The following CAST variants were observed in gnomAD, a reference collection of about 807,000 sequenced individuals.
CAST encodes MIR583 host.
Under a neutral mutation model 119.6 loss-of-function variants are expected in CAST, and 76 were observed. The observed-to-expected ratio is 0.64, with a 90% CI of 0.53 to 0.77. The LOEUF is 0.77. Among genes scored for constraint, CAST ranks in the 30% least tolerant of loss-of-function variants. The pLI is 0.00. For missense variants in CAST, 953 were observed against 946.5 expected (o/e 1.01, Z -0.09); for synonymous variants, 319 against 331.6 (o/e 0.96, Z 0.41).
the CAST span, among the ~76,000 whole-genome samples, chr5:96,231,616 TAAAC>T: frequency 6.6e-6 from 1 of 152,128 alleles, no homozygotes; most frequent in African/African-American, 2.4e-5. Context: ...ATTGTACACT[TAAAC>T]ACACTTAAAC....
At chr5:96,617,586 G>A (rs541930876) in intron 1 of CAST, among the ~76,000 whole-genome samples, 3 of 151,660 alleles carry the variant, frequency 2.0e-5, no homozygotes, top group African/African-American at 7.3e-5. Flanking sequence ...TCAGGAGATC[G>A]AGACCATCCT....
In CAST at chr5:96,591,027, T is replaced by C. The variant is rs78349872; in HGVS notation, c.60+61147T>C. Among the ~76,000 whole-genome samples, 1,513 of 152,238 alleles carry C rather than the reference T, an allele frequency of 9.9e-3. 26 individuals carry two copies. Among genetic ancestry groups the C allele is most frequent in the African/African-American group, 0.034 (1,426 of 41,522 alleles). On this transcript the variant is annotated intron_variant, in intron 1 of 11. Transcript: ENST00000505143. ...TTCTCCATAGTGAGAAAACTTCCAG[T>C]TTTCCCTCAGTATGGGCAGGTCCCT...
the CAST span, among the ~76,000 whole-genome samples, chr5:96,359,723 C>T: frequency 6.6e-6 from 1 of 152,144 alleles, no homozygotes. Flanking sequence ...GATGGGCTTC[C>T]CTTTGTGGGT....
chr5:96,665,126 G>C (rs910317877), intron 1 of CAST, among the ~76,000 whole-genome samples: 1 of 152,136 alleles, frequency 6.6e-6, no homozygotes, highest in African/African-American at 2.4e-5. Flanking sequence ...TTTGCTAGTA[G>C]GAACTTCCTA....
the CAST span, among the ~76,000 whole-genome samples, chr5:96,314,671 A>T: frequency 6.6e-6 from 1 of 152,106 alleles, no homozygotes; most frequent in Non-Finnish European, 1.5e-5. Flanking sequence ...TACCTCCTTT[A>T]TGATGTCAAA....
At chr5:96,408,849 C>A in the CAST span, among the ~76,000 whole-genome samples, 1 of 152,230 alleles carries the variant, frequency 6.6e-6, no homozygotes, top group Non-Finnish European at 1.5e-5. Flanking sequence ...CACTGTTGAA[C>A]TAGATTTGAT....
chr5:96,386,331 G>C, the CAST span, among the ~76,000 whole-genome samples: 1 of 152,112 alleles, frequency 6.6e-6, no homozygotes, highest in East Asian at 1.9e-4. Context: ...TAGTCCTGGG[G>C]AACTGCCTTT....
At chr5:96,167,563 C>T in the CAST span, among the ~76,000 whole-genome samples, 1 of 152,098 alleles carries the variant, frequency 6.6e-6, no homozygotes, top group Admixed American at 6.6e-5. Context: ...GGTGGCTGAG[C>T]TTGGTGAGGT....
At chr5:96,706,877 C>G (rs1755084032) in intron 3 of CAST, among the ~76,000 whole-genome samples, 1 of 152,162 alleles carries the variant, frequency 6.6e-6, no homozygotes, top group African/African-American at 2.4e-5. Context: ...TCAGTAACAT[C>G]TAAGATTTTC....
At chr5:96,424,171 C>T in the CAST span, among the ~76,000 whole-genome samples, 139 of 152,178 alleles carry the variant, frequency 9.1e-4, no homozygotes, top group African/African-American at 3.1e-3. Flanking sequence ...ATGCCAGGTA[C>T]CCGGTGAAAG....
intron 6 of CAST, 87 bp from the exon 7 acceptor site, chr5:96,729,066 T>G: frequency 1.2e-6 from 1 of 844,326 alleles, no homozygotes; most frequent in South Asian, 1.6e-5. Flanking sequence ...GCAGAATGTT[T>G]TAGTTGGAAT....
chr5:96,431,147 T>A, the CAST span, among the ~76,000 whole-genome samples: 1 of 152,194 alleles, frequency 6.6e-6, no homozygotes, highest in Admixed American at 6.5e-5. Context: ...ATGTCCACAG[T>A]ACCCACCAGC....
At chr5:96,045,491 T>G in the CAST span, among the ~76,000 whole-genome samples, 1 of 152,322 alleles carries the variant, frequency 6.6e-6, no homozygotes, top group East Asian at 1.9e-4. Context: ...AAAATAGCAT[T>G]CACTTAATAA....
chr5:96,324,998 A>T, the CAST span, among the ~76,000 whole-genome samples: 4 of 152,166 alleles, frequency 2.6e-5, no homozygotes, highest in African/African-American at 9.7e-5. Context: ...TGAGCTCAGG[A>T]GTTCAAGACT....
intron 4 of CAST, among the ~76,000 whole-genome samples, chr5:96,725,071 A>G (rs1759013697): frequency 6.6e-6 from 1 of 152,130 alleles, no homozygotes; most frequent in Admixed American, 6.5e-5. Context: ...AGCATTAATC[A>G]TGAGAATTCT....
In CAST at chr5:96,641,442, G is replaced by A. The variant is rs529100576; in HGVS notation, c.61-34097G>A. 2.3e-4 allele frequency among the ~76,000 whole-genome samples: 32 copies of A among 139,308 alleles called. 1 individual carries two copies. Among genetic ancestry groups the A allele is most frequent in the Admixed American group, 1.3e-3 (18 of 13,628 alleles). The allele number at this position is 139,308 out of a possible 152,430, so 91.4% of individuals were successfully genotyped here. A position where few individuals can be genotyped will look rare whatever the true frequency, so the allele number is the denominator to read the frequency against. ...GGGTGGGATGTGGGGTCAGTATGGGGTAATGAAAAAAACTCCACTCTTGAG... is the reference window on the plus strand; with the variant it reads ...GGGTGGGATGTGGGGTCAGTATGGGATAATGAAAAAAACTCCACTCTTGAG... On this transcript the variant is annotated intron_variant, in intron 1 of 11. Transcript: ENST00000505143.
intron 9 of CAST, among the ~76,000 whole-genome samples, chr5:96,731,923 T>A (rs1760614524): frequency 1.3e-5 from 2 of 152,236 alleles, no homozygotes; most frequent in African/African-American, 2.4e-5. Context: ...TTGGGTTGGT[T>A]CGAAGTCTTT....
At chr5:96,132,627 C>T in the CAST span, among the ~76,000 whole-genome samples, 9 of 152,180 alleles carry the variant, frequency 5.9e-5, 1 homozygote, top group East Asian at 1.9e-4. Context: ...TCTGTTTTGG[C>T]TCCCACATAT....
chr5:96,745,053 G>C (rs1190468137), intron 16 of CAST, among the ~76,000 whole-genome samples: 1 of 152,088 alleles, frequency 6.6e-6, no homozygotes, highest in Non-Finnish European at 1.5e-5. Flanking sequence ...AAAAGCTCTG[G>C]CCGCATGTGT....
Sources: gnomAD v4.1 joint callset for allele counts (sites outside exome capture counted in the v4.1 genomes callset) on GRCh38, gnomAD v4.1.1 for gene constraint, MANE v1.5 for transcripts, NCBI Gene and HGNC (gene_info 2026-07-23, HGNC 2026-07-21) for gene names.